Variants in PEX14 observed in about 807,000 individuals in gnomAD.
The protein encoded by PEX14 is peroxisomal biogenesis factor 14.
In PEX14, 15 loss-of-function variants were observed where a neutral mutation model predicts 49.5. That is an observed-to-expected ratio of 0.30 (90% confidence interval 0.20 to 0.47). The LOEUF is 0.47. Ranked by LOEUF, PEX14 falls within the 20% of genes least tolerant of loss-of-function variation. The pLI is 1.00. For synonymous variants in PEX14, 210 were observed against 212.7 expected, an observed-to-expected ratio of 0.99 and a Z score of 0.11; for missense variants, 398 against 494.8, an observed-to-expected ratio of 0.80 and a Z score of 1.86.
chr1:10,504,551 G>A (rs577034947), intron 2 of PEX14, among the ~76,000 whole-genome samples: 12 of 152,222 alleles, frequency 7.9e-5, no homozygotes, highest in East Asian at 7.7e-4. Flanking sequence ...CTGGGTCAGC[G>A]ATCATTCCCT....
intron 2 of PEX14, chr1:10,535,897 G>T (rs946004895): frequency 7.8e-6 from 3 of 384,016 alleles, no homozygotes; most frequent in Non-Finnish European, 1.5e-5. Flanking sequence ...ACATGGGTGC[G>T]CATGGCCACA....
At chr1:10,518,598 C>G (rs1373954304) in intron 2 of PEX14, among the ~76,000 whole-genome samples, 2 of 152,228 alleles carry the variant, frequency 1.3e-5, no homozygotes, top group Non-Finnish European at 2.9e-5. Flanking sequence ...AAGACTCTCA[C>G]TTGGTGCATT....
intron 2 of PEX14, among the ~76,000 whole-genome samples, chr1:10,496,891 A>G (rs995131373): frequency 6.6e-6 from 1 of 151,888 alleles, no homozygotes; most frequent in Non-Finnish European, 1.5e-5. Context: ...ATATTTAATT[A>G]ATATTTTTTC....
intron 1 of PEX14, among the ~76,000 whole-genome samples, chr1:10,486,513 CTA>C (rs1641370788): frequency 6.6e-6 from 1 of 151,692 alleles, no homozygotes; most frequent in Non-Finnish European, 1.5e-5. Context: ...GGCTCTGTCT[CTA>C]TACAAATTTT....
At chr1:10,619,890 T>C (rs1156673521) in intron 5 of PEX14, among the ~76,000 whole-genome samples, 1 of 151,614 alleles carries the variant, frequency 6.6e-6, no homozygotes, top group Non-Finnish European at 1.5e-5. Flanking sequence ...GGATCCTGAC[T>C]TGATCACGAG....
At chr1:10,577,563 T>TATA (rs1557854885) in intron 3 of PEX14, among the ~76,000 whole-genome samples, 1 of 2,462 alleles carries the variant, frequency 4.1e-4, no homozygotes, top group African/African-American at 1.5e-3. Context: ...TATATATATA[T>TATA]TTTTTTTTTT....
chr1:10,568,824 C>G (rs531608792), intron 3 of PEX14, among the ~76,000 whole-genome samples: 7 of 152,268 alleles, frequency 4.6e-5, no homozygotes, highest in Non-Finnish European at 7.4e-5. Context: ...ACTGCAACCT[C>G]CGCCTCCTGG....
At chr1:10,523,042 G>A (rs1161976052) in intron 2 of PEX14, among the ~76,000 whole-genome samples, 1 of 152,096 alleles carries the variant, frequency 6.6e-6, no homozygotes, top group African/African-American at 2.4e-5. Context: ...TGACTCCACC[G>A]ATTCTAAATG....
At chr1:10,586,075 GTTTCAAAACTTC>G (rs912167461) in intron 3 of PEX14, among the ~76,000 whole-genome samples, 9 of 152,196 alleles carry the variant, frequency 5.9e-5, no homozygotes, top group South Asian at 2.1e-4. Context: ...ATAATGGGAC[GTTTCAAAACTTC>G]TTTCAAAACT....
chr1:10,504,421 T>C, intron 2 of PEX14, among the ~76,000 whole-genome samples: 1 of 151,976 alleles, frequency 6.6e-6, no homozygotes, highest in Non-Finnish European at 1.5e-5. Context: ...GGAGCAGGAG[T>C]CTGGATAAAT....
chr1:10,571,552 G>A (rs1274240961), intron 3 of PEX14, among the ~76,000 whole-genome samples: 2 of 151,992 alleles, frequency 1.3e-5, no homozygotes, highest in Non-Finnish European at 2.9e-5. Context: ...CTCATGCCTA[G>A]AATCCCAGCA....
rs1484649345 is a variant in PEX14 at position 10,495,627 on chromosome 1, T to C, written c.84+306T>C. The stretch of plus-strand genomic sequence containing the variant: ...TTCCTGCGCCCGTGGGAGGCTGAGG[T>C]GGAGTGAGGTGGCTGGGCTTCTAGA... On this transcript the variant is annotated intron_variant, in intron 2 of 8. Transcript: ENST00000356607. This position sits in a 1 kb window ranked among gnomAD's most constrained non-coding sequence, Gnocchi z 4.2. 6.6e-6 allele frequency among the ~76,000 whole-genome samples: 1 copy of C among 152,142 alleles called. No homozygotes were observed. The highest frequency in any genetic ancestry group is 1.5e-5 in the Non-Finnish European group (1 of 68,012).
intron 3 of PEX14, among the ~76,000 whole-genome samples, chr1:10,580,283 G>A (rs1448172581): frequency 6.6e-6 from 1 of 152,020 alleles, no homozygotes; most frequent in Non-Finnish European, 1.5e-5. Flanking sequence ...GGCATGCAGT[G>A]GCACCATCTC....
At chr1:10,571,204 T>G (rs561501617) in intron 3 of PEX14, among the ~76,000 whole-genome samples, 61 of 152,144 alleles carry the variant, frequency 4.0e-4, no homozygotes, top group Non-Finnish European at 7.1e-4. Context: ...TACACAACTT[T>G]AGAATCTAAT....
chr1:10,543,271 A>T (rs143851060), intron 3 of PEX14, among the ~76,000 whole-genome samples: 23 of 152,272 alleles, frequency 1.5e-4, no homozygotes, highest in Middle Eastern at 3.4e-3. Flanking sequence ...AGTAACTGGG[A>T]TTACAGGGGC....
At chr1:10,538,432 A>G (rs1286566497) in intron 3 of PEX14, among the ~76,000 whole-genome samples, 3 of 152,246 alleles carry the variant, frequency 2.0e-5, no homozygotes, top group Admixed American at 2.0e-4. Context: ...ATGTGAGTTT[A>G]TCCCGTACTT....
rs79669727 is a variant in PEX14, at chr1:10,589,390, C to T, written c.170-9848C>T. Among the ~76,000 whole-genome samples, 162 of 152,252 alleles carry T rather than the reference C, an allele frequency of 1.1e-3. 1 individual carries two copies. The East Asian group carries it at 0.03, about 28-fold the overall frequency. On this transcript the variant is annotated intron_variant, in intron 3 of 8. Coordinates refer to ENST00000356607, the MANE Select transcript of PEX14 (RefSeq NM_004565.3). ...ATGGTGAGCCCATCCCCACCCCAAC[C>T]GGGTGTAGTGTAATTTCCCTCTCTC...
intron 2 of PEX14, among the ~76,000 whole-genome samples, chr1:10,533,232 T>G (rs1638700110): frequency 6.6e-6 from 1 of 152,096 alleles, no homozygotes; most frequent in Non-Finnish European, 1.5e-5. Flanking sequence ...TCTAGTGTAG[T>G]GATGTCGATG....
chr1:10,626,938 G>A (rs1237131796), intron 7 of PEX14, among the ~76,000 whole-genome samples: 5 of 152,146 alleles, frequency 3.3e-5, no homozygotes, highest in Non-Finnish European at 7.3e-5. Context: ...TTTCCACCCC[G>A]GACCATCTTA....
Sources: gnomAD v4.1 joint callset for allele counts (sites outside exome capture counted in the v4.1 genomes callset) on GRCh38, gnomAD v4.1.1 for gene constraint, Gnocchi (gnomAD v3.1) non-coding constraint, MANE v1.5 for transcripts, NCBI Gene and HGNC (gene_info 2026-07-23, HGNC 2026-07-21) for gene names.